C1QTNF1: variants seen among roughly 807,000 people sequenced by gnomAD.
C1QTNF1 encodes the protein complement C1q tumor necrosis factor-related protein 1.
Under a neutral mutation model 27.8 loss-of-function variants are expected in C1QTNF1, and 22 were observed. The observed-to-expected ratio is 0.79, with a 90% CI of 0.56 to 1.13. C1QTNF1 has a LOEUF of 1.13. Ranked by LOEUF, C1QTNF1 falls within the 50% of genes most tolerant of loss-of-function variation. The pLI is 0.00. For synonymous variants in C1QTNF1, 166 were observed against 154.3 expected, an observed-to-expected ratio of 1.08 and a Z score of -0.56; for missense variants, 373 against 380.2, an observed-to-expected ratio of 0.98 and a Z score of 0.16.
rs1464850856 is a variant in C1QTNF1 at position 79,037,558 on chromosome 17, C to G, written c.-14-6397C>G. ...GGATTACAGGCGTGAGCCACTGCGCCCAGCCAAAAGGCCCAATTTGAAACA... is the reference window on the plus strand; with the variant it reads ...GGATTACAGGCGTGAGCCACTGCGCGCAGCCAAAAGGCCCAATTTGAAACA... On this transcript the variant is annotated intron_variant, in intron 1 of 3. Transcript: ENST00000579760. Among the ~76,000 whole-genome samples, 5 of 152,030 alleles carry G rather than the reference C, an allele frequency of 3.3e-5. No individual in the cohort carries two copies. In the South Asian group the frequency reaches 1.0e-3, roughly 32 times the overall value.
chr17:79,033,573 G>T (rs139541115), intron 1 of C1QTNF1, among the ~76,000 whole-genome samples: 1 of 151,912 alleles, frequency 6.6e-6, no homozygotes, highest in Non-Finnish European at 1.5e-5. Context: ...GGATGTGGTG[G>T]CATGTGCTTG....
rs766884176 is a variant in C1QTNF1, at chr17:79,046,748, C to T, written c.295+54C>T. On this transcript the variant is annotated intron_variant, in intron 3 of 3. Transcript: ENST00000579760. The surrounding 1 kb of genome is among the most constrained non-coding windows in gnomAD (Gnocchi z 4.8). ...GTGGCCGGGCTGCTCTGTGCTGATCCGGAGGAAGGGATGGAGTCGTTAGGG... is the reference window on the plus strand; with the variant it reads ...GTGGCCGGGCTGCTCTGTGCTGATCTGGAGGAAGGGATGGAGTCGTTAGGG... 51 of 1,605,424 alleles carry T rather than the reference C, an allele frequency of 3.2e-5. No homozygotes were observed. Among genetic ancestry groups the T allele is most frequent in the African/African-American group, 5.4e-5 (4 of 74,732 alleles).
At chr17:79,040,770 A>G (rs370683540) in intron 1 of C1QTNF1, among the ~76,000 whole-genome samples, 1 of 147,890 alleles carries the variant, frequency 6.8e-6, no homozygotes, top group East Asian at 2.0e-4. Flanking sequence ...TGGGTGTGGT[A>G]GTGCATACCT....
At chr17:79,033,765 C>T (rs1248673769) in intron 1 of C1QTNF1, among the ~76,000 whole-genome samples, 1 of 151,990 alleles carries the variant, frequency 6.6e-6, no homozygotes, top group Non-Finnish European at 1.5e-5. Flanking sequence ...TGAGGAACAG[C>T]CTGGGAGAGC....
intron 1 of C1QTNF1, among the ~76,000 whole-genome samples, chr17:79,030,467 C>CTT (rs1568060933): frequency 1.8e-4 from 21 of 118,098 alleles, no homozygotes; most frequent in African/African-American, 6.4e-4. Flanking sequence ...TCTTTTCTTT[C>CTT]TTTCTTTCTT....
chr17:79,031,540 AG>A (rs2072140015), intron 1 of C1QTNF1, among the ~76,000 whole-genome samples: 1 of 152,002 alleles, frequency 6.6e-6, no homozygotes, highest in East Asian at 1.9e-4. Flanking sequence ...CTCGCCTCCC[AG>A]GTTCAAGCAA....
chr17:79,042,701 A>AT (rs1387338711), intron 1 of C1QTNF1, among the ~76,000 whole-genome samples: 3 of 152,080 alleles, frequency 2.0e-5, no homozygotes, highest in Non-Finnish European at 4.4e-5. Context: ...GTGGTATACA[A>AT]TTGTCTGTGG....
Position 79,048,095 on chromosome 17 carries a change from G to A in C1QTNF1, c.*7G>A, listed in dbSNP as rs2072649012. On this transcript the variant is annotated 3_prime_UTR_variant, in exon 4 of 4. Transcript: ENST00000579760. ...GCACGCCACCGAGCCCTAGCTGGCC[G>A]GCCACCTCCTTTCCTCTCGCCACCT... 1.3e-6 allele frequency: 2 copies of A among 1,523,324 alleles called. No individual in the cohort carries two copies. Among genetic ancestry groups the A allele is most frequent in the Non-Finnish European group, 1.8e-6 (2 of 1,142,386 alleles). The allele number at this position is 1,523,324 out of a possible 1,614,324, so 94.4% of individuals were successfully genotyped here.
intron 1 of C1QTNF1, among the ~76,000 whole-genome samples, chr17:79,031,490 C>T (rs1410300015): frequency 6.6e-6 from 1 of 152,104 alleles, no homozygotes; most frequent in African/African-American, 2.4e-5. Context: ...CTCTGTCACC[C>T]AGGCTGGAGT....
chr17:79,037,237 C>T (rs2072285290), intron 1 of C1QTNF1, among the ~76,000 whole-genome samples: 1 of 152,196 alleles, frequency 6.6e-6, no homozygotes, highest in African/African-American at 2.4e-5. Flanking sequence ...TCAAGCGATT[C>T]TCCTGCCTCA....
chr17:79,044,234 G>A (rs906159412), intron 2 of C1QTNF1, 111 bp downstream of exon 2: 2 of 1,256,816 alleles, frequency 1.6e-6, no homozygotes, highest in Non-Finnish European at 2.1e-6. Flanking sequence ...AGGCAAGAAA[G>A]CTGAAGCTGA....
intron 1 of C1QTNF1, among the ~76,000 whole-genome samples, chr17:79,027,841 G>A (rs562399516): frequency 6.6e-6 from 1 of 152,330 alleles, no homozygotes; most frequent in Non-Finnish European, 1.5e-5. Flanking sequence ...TCCAGAGCTG[G>A]GCTTGGCATC....
At position 79,048,357 on chromosome 17, in the gene C1QTNF1, C is replaced by T. The variant is rs553241452; in HGVS notation, c.*269C>T. ...CTCTGCACACATCCTCAAGTGACCCCGCACGGCGAGACGCGGGTGGCGGCA... is the reference window on the plus strand; with the variant it reads ...CTCTGCACACATCCTCAAGTGACCCTGCACGGCGAGACGCGGGTGGCGGCA... On this transcript the variant is annotated 3_prime_UTR_variant, in exon 4 of 4. Coordinates refer to ENST00000579760, the MANE Select transcript of C1QTNF1 (RefSeq NM_030968.5). 3.3e-4 allele frequency: 129 copies of T among 388,050 alleles called. No individual in the cohort carries two copies. Among genetic ancestry groups the T allele is most frequent in the African/African-American group, 2.3e-3 (114 of 49,066 alleles). 24.0% of individuals were successfully genotyped at this position (388,050 alleles called of 1,614,324 possible).
chr17:79,048,146 A>AGGGCTCAGCACCAGGCTGACCCCG lies in C1QTNF1; in HGVS notation c.*58_*59insGGGCTCAGCACCAGGCTGACCCCG. 1 of 1,416,788 alleles carries AGGGCTCAGCACCAGGCTGACCCCG rather than the reference A, an allele frequency of 7.1e-7. No individual in the cohort carries two copies. The allele number at this position is 1,416,788 out of a possible 1,614,324, so 87.8% of individuals were successfully genotyped here. A position where few individuals can be genotyped will look rare whatever the true frequency, so the allele number is the denominator to read the frequency against. The stretch of plus-strand genomic sequence containing the variant: ...TCCACCCCTGCGCTGTGCTGACCCC[A>AGGGCTCAGCACCAGGCTGACCCCG]CCGCCTCTTCCCCGATCCCTGGACT... On this transcript the variant is annotated 3_prime_UTR_variant, in exon 4 of 4. Coordinates refer to ENST00000579760, the MANE Select transcript of C1QTNF1 (RefSeq NM_030968.5).
chr17:79,036,422 A>T (rs1223086131), intron 1 of C1QTNF1, among the ~76,000 whole-genome samples: 1 of 152,160 alleles, frequency 6.6e-6, no homozygotes, highest in Non-Finnish European at 1.5e-5. Context: ...CGATCCTCCC[A>T]CCTTGGCCTC....
intron 1 of C1QTNF1, among the ~76,000 whole-genome samples, chr17:79,037,198 C>T (rs143527916): frequency 0.023 from 3,574 of 152,144 alleles, 120 homozygotes; most frequent in African/African-American, 0.081. Context: ...GGCATGATCT[C>T]GGCTTAGCAC....
chr17:79,043,379 G>A (rs1030880675), intron 1 of C1QTNF1: 22 of 453,634 alleles, frequency 4.8e-5, no homozygotes, highest in Admixed American at 1.4e-4. Flanking sequence ...TGTGTGGACT[G>A]TGTATGTGCA....
At chr17:79,035,267 A>G (rs748154608) in intron 1 of C1QTNF1, among the ~76,000 whole-genome samples, 1 of 152,160 alleles carries the variant, frequency 6.6e-6, no homozygotes, top group Non-Finnish European at 1.5e-5. Context: ...GAATTCTACC[A>G]GACGTCAGAG....
At chr17:79,036,509 C>T (rs993406702) in intron 1 of C1QTNF1, among the ~76,000 whole-genome samples, 1 of 152,130 alleles carries the variant, frequency 6.6e-6, no homozygotes, top group Non-Finnish European at 1.5e-5. Context: ...GCTTGAAATG[C>T]GGCTAGTGTA....
Sources: allele counts gnomAD v4.1 joint callset (sites outside exome capture counted in the v4.1 genomes callset), GRCh38; gene constraint gnomAD v4.1.1; non-coding constraint Gnocchi (gnomAD v3.1); transcripts MANE v1.5; gene names NCBI Gene and HGNC (gene_info 2026-07-23, HGNC 2026-07-21).